The following PLB1 variants were observed in gnomAD, a reference collection of about 807,000 sequenced individuals.
PLB1 encodes phospholipase B1, membrane-associated.
Under a neutral mutation model 227.4 loss-of-function variants are expected in PLB1, and 242 were observed. That is an observed-to-expected ratio of 1.06 (90% confidence interval 0.96 to 1.18). The LOEUF (loss-of-function observed/expected upper bound fraction) is 1.18, where lower values mean the gene tolerates loss of function less well. Ranked by LOEUF, PLB1 falls within the 50% of genes most tolerant of loss-of-function variation. The pLI, the probability that PLB1 is intolerant of heterozygous loss-of-function variation, is 0.00. For missense variants in PLB1, 1,858 were observed against 1,816.3 expected (o/e 1.02, Z -0.42); for synonymous variants, 757 against 682.2 (o/e 1.11, Z -1.71).
At position 28,578,094 on chromosome 2, in the gene PLB1, T is replaced by C. The variant is rs1274609669; in HGVS notation, c.1434-13T>C. On this transcript the variant is annotated splice_polypyrimidine_tract_variant and intron_variant, in intron 21 of 57. Transcript: ENST00000327757. ...CCACTCCTCACAGCACTTCCTCTGG[T>C]ATGTTTCCACAGGGATCTACCTGTC... 1.9e-6 allele frequency: 3 copies of C among 1,613,384 alleles called. No individual in the cohort carries two copies. The highest frequency in any genetic ancestry group is 2.5e-6 in the Non-Finnish European group (3 of 1,179,510).
intron 55 of PLB1, among the ~76,000 whole-genome samples, chr2:28,632,433 TAGGATAGGGGTGCTGAAAG>T (rs1688759567): frequency 6.6e-6 from 1 of 152,066 alleles, no homozygotes. Context: ...TTTCAACTCT[TAGGATAGGGGTGCTGAAAG>T]AAAAGGGAGA....
intron 23 of PLB1, among the ~76,000 whole-genome samples, chr2:28,579,996 C>T (rs569740506): frequency 3.3e-5 from 5 of 152,232 alleles, no homozygotes; most frequent in African/African-American, 1.2e-4. Flanking sequence ...CTAGAAAAAT[C>T]TTTCCCATGT....
intron 1 of PLB1, among the ~76,000 whole-genome samples, chr2:28,502,100 A>G (rs1226779335): frequency 6.6e-6 from 1 of 152,206 alleles, no homozygotes; most frequent in East Asian, 1.9e-4. Context: ...CCAGCAATAT[A>G]TATGAAATTG....
rs1362369270 is a variant in PLB1, at chr2:28,605,905, A to G, written c.3014A>G (p.Gln1005Arg). 6.2e-7 allele frequency: 1 copy of G among 1,613,954 alleles called. No individual in the cohort carries two copies. Among genetic ancestry groups the G allele is most frequent in the South Asian group, 1.1e-5 (1 of 91,074 alleles). ...GCCCCAGACTGCATCCACCCAAATC[A>G]GAAATTCCACTCCCAGCTGGCCAGA... Reference protein sequence around the residue: ...FFAPDCIHPNQKFHSQLARAL... With the variant: ...FFAPDCIHPNRKFHSQLARAL... Residue 1005 changes from glutamine to arginine, a missense_variant, in exon 42 of 58, where the codon CAG becomes CGG. Gln to Arg is a conservative substitution (Grantham distance 43). Coordinates refer to ENST00000327757, the MANE Select transcript of PLB1 (RefSeq NM_153021.5).
Position 28,573,426 on chromosome 2 carries a change from G to C in PLB1, c.1433+121G>C, listed in dbSNP as rs975906949. ...GCTTTGTCAGAGGAAAGGGTTTCGG[G>C]GCCAAAGCCTGGACAGAGCTCTCTT... On this transcript the variant is annotated intron_variant, in intron 21 of 57. Transcript: ENST00000327757. 3 of 709,450 alleles carry C rather than the reference G, an allele frequency of 4.2e-6. No homozygotes were observed. In the African/African-American group the frequency reaches 5.2e-5, roughly 12 times the overall value. The allele number at this position is 709,450 out of a possible 1,614,324, so 43.9% of individuals were successfully genotyped here.
intron 18 of PLB1, among the ~76,000 whole-genome samples, chr2:28,564,074 T>C (rs1676464776): frequency 6.6e-6 from 1 of 151,698 alleles, no homozygotes; most frequent in Admixed American, 6.6e-5. Flanking sequence ...ACCCAATCTC[T>C]ACAAAAAAGA....
chr2:28,590,663 C>A lies in PLB1; in HGVS notation c.2089-470C>A, dbSNP rs920212896. On this transcript the variant is annotated intron_variant, in intron 29 of 57. Coordinates refer to ENST00000327757, the MANE Select transcript of PLB1 (RefSeq NM_153021.5). Reference sequence around the variant, plus strand: ...TACCCAGAGGGCTCCCAGGCTGACACTGGAAACCATTGTATGGGGTTTACG... The same window carrying A: ...TACCCAGAGGGCTCCCAGGCTGACAATGGAAACCATTGTATGGGGTTTACG... Among the ~76,000 whole-genome samples the A allele has an allele frequency of 2.0e-5, 3 of 152,118 alleles. No individual in the cohort carries two copies. In the South Asian group the frequency reaches 6.2e-4, roughly 32 times the overall value.
At chr2:28,633,917 T>C (rs149017161) in intron 56 of PLB1, among the ~76,000 whole-genome samples, 156 of 152,328 alleles carry the variant, frequency 1.0e-3, no homozygotes, top group African/African-American at 3.4e-3. Context: ...CAGCTCCTTT[T>C]ATCACAGTTT....
At chr2:28,592,823 G>C (rs1047895533) in intron 32 of PLB1, 104 bp downstream of exon 32, 51 of 1,073,594 alleles carry the variant, frequency 4.8e-5, no homozygotes, top group Non-Finnish European at 6.5e-5. Flanking sequence ...GCCTTATCTT[G>C]CCCCTCTACC....
intron 17 of PLB1, among the ~76,000 whole-genome samples, chr2:28,560,427 G>A (rs114856068): frequency 0.03 from 4,543 of 152,272 alleles, 98 homozygotes; most frequent in Middle Eastern, 0.071. Context: ...AGGTAAAGGG[G>A]TAGGTAGATG....
chr2:28,627,147 G>A (rs539449845), intron 51 of PLB1, among the ~76,000 whole-genome samples: 344 of 152,282 alleles, frequency 2.3e-3, no homozygotes, highest in Non-Finnish European at 4.1e-3. Context: ...GTGGTGTGGG[G>A]GAAAAGGCAT....
At chr2:28,635,997 A>G (rs1004056501) in intron 56 of PLB1, among the ~76,000 whole-genome samples, 3 of 151,254 alleles carry the variant, frequency 2.0e-5, no homozygotes, top group Admixed American at 6.6e-5. Flanking sequence ...GTATGTGTGT[A>G]TGTATGTGTA....
intron 54 of PLB1, 78 bp downstream of exon 54, chr2:28,630,742 A>G: frequency 4.8e-6 from 6 of 1,255,508 alleles, no homozygotes; most frequent in Non-Finnish European, 5.6e-6. Context: ...TCGAATGCCC[A>G]GCAGGATGTG....
At chr2:28,498,629 A>G (rs1194569975) in intron 1 of PLB1, among the ~76,000 whole-genome samples, 1 of 152,078 alleles carries the variant, frequency 6.6e-6, no homozygotes, top group African/African-American at 2.4e-5. Flanking sequence ...TTGTTTCCCT[A>G]CCACTGTGAA....
chr2:28,549,135 C>T (rs1673782873), intron 15 of PLB1, among the ~76,000 whole-genome samples: 2 of 152,160 alleles, frequency 1.3e-5, no homozygotes, highest in South Asian at 4.1e-4. Flanking sequence ...AAACTGCAGC[C>T]CCCTCCATGC....
intron 1 of PLB1, among the ~76,000 whole-genome samples, chr2:28,496,738 G>A (rs1406410779): frequency 6.6e-6 from 1 of 152,174 alleles, no homozygotes; most frequent in African/African-American, 2.4e-5. Flanking sequence ...CAACATTAAT[G>A]ACTGTGGGTA....
chr2:28,541,610 C>A, intron 12 of PLB1, 97 bp from the exon 13 acceptor site: 1 of 860,210 alleles, frequency 1.2e-6, no homozygotes, highest in Non-Finnish European at 1.8e-6. Flanking sequence ...AGAGGCAGAT[C>A]CTGTCCCAGG....
At chr2:28,579,765 G>A (rs959777583) in intron 23 of PLB1, 58 bp downstream of exon 23, 14 of 1,430,736 alleles carry the variant, frequency 9.8e-6, no homozygotes, top group African/African-American at 1.4e-5. Flanking sequence ...TTCACAGCCC[G>A]GTCACTTGCT....
chr2:28,623,358 C>T (rs1425213051), intron 49 of PLB1, among the ~76,000 whole-genome samples: 1 of 152,032 alleles, frequency 6.6e-6, no homozygotes, highest in East Asian at 1.9e-4. Flanking sequence ...AAGAAGATGG[C>T]TAGGAAGAGG....
Sources: gnomAD v4.1 joint callset for allele counts (sites outside exome capture counted in the v4.1 genomes callset) on GRCh38, gnomAD v4.1.1 for gene constraint, MANE v1.5 for transcripts, NCBI Gene and HGNC (gene_info 2026-07-23, HGNC 2026-07-21) for gene names.